Variants in PPP1R3A observed in about 807,000 individuals in gnomAD.
PPP1R3A encodes RG1.
In PPP1R3A, 29 loss-of-function variants were observed where a neutral mutation model predicts 41.7. The ratio of observed to expected loss-of-function variants is 0.70; its 90% CI spans 0.52 to 0.95. The LOEUF (loss-of-function observed/expected upper bound fraction) is 0.95. PPP1R3A is among the 40% of genes least tolerant of loss of function. The probability of loss-of-function intolerance (pLI) is 0.00; values close to 1 mark genes in which losing one functional copy is unlikely to be tolerated. For synonymous variants in PPP1R3A, 485 were observed against 453.4 expected (o/e 1.07, Z -0.89); for missense variants, 1,352 against 1,292.4 (o/e 1.05, Z -0.71).
intron 3 of PPP1R3A, among the ~76,000 whole-genome samples, chr7:113,881,371 T>C (rs1386020497): frequency 6.6e-6 from 1 of 152,168 alleles, no homozygotes; most frequent in Admixed American, 6.6e-5. Context: ...AATTGCATTA[T>C]GTGACTCATT....
chr7:113,882,558 G>T (rs930597075), intron 1 of PPP1R3A, among the ~76,000 whole-genome samples: 1 of 151,822 alleles, frequency 6.6e-6, no homozygotes, highest in Non-Finnish European at 1.5e-5. Flanking sequence ...TTTCTAAACA[G>T]AAACACACTC....
intron 1 of PPP1R3A, among the ~76,000 whole-genome samples, chr7:113,888,044 G>T: frequency 6.6e-6 from 1 of 150,746 alleles, no homozygotes; most frequent in Non-Finnish European, 1.5e-5. Flanking sequence ...AAAAAAAAAA[G>T]CACAAAAGAA....
chr7:113,886,995 G>A (rs1796795179), intron 1 of PPP1R3A, among the ~76,000 whole-genome samples: 1 of 152,120 alleles, frequency 6.6e-6, no homozygotes, highest in Admixed American at 6.5e-5. Flanking sequence ...AGTGGCATAA[G>A]AAATGCTGTT....
Position 113,878,389 on chromosome 7 carries a change from A to G in PPP1R3A, c.2703T>C (p.Ala901=). The G allele has an allele frequency of 6.2e-7, 1 of 1,611,974 alleles. No homozygotes were observed. Among genetic ancestry groups the G allele is most frequent in the Non-Finnish European group, 8.5e-7 (1 of 1,179,666 alleles). The change falls in exon 4 of 4, where the codon GCT becomes GCC. Residue 901 remains alanine, a synonymous_variant. Transcript: ENST00000284601. Reference sequence around the variant, plus strand: ...GAGCTCTATTAGTGTCTGAGTTAAAAGCAGAATGCACAATGGCATCCGAGT... The same window carrying G: ...GAGCTCTATTAGTGTCTGAGTTAAAGGCAGAATGCACAATGGCATCCGAGT... The part of the protein sequence containing the change: ...KTDSDAIVHS[A]FNSDTNRAPQ...
chr7:113,909,695 G>A (rs1040318277), intron 1 of PPP1R3A, among the ~76,000 whole-genome samples: 1 of 152,046 alleles, frequency 6.6e-6, no homozygotes, highest in Admixed American at 6.6e-5. Context: ...AGTTATTGAG[G>A]TTATTTGACA....
At position 113,878,908 on chromosome 7, in the gene PPP1R3A, A is replaced by G. The variant is rs1301263037; in HGVS notation, c.2184T>C (p.Gly728=). 5 of 1,612,880 alleles carry G rather than the reference A, an allele frequency of 3.1e-6. No homozygotes were observed. The highest frequency in any genetic ancestry group is 4.2e-6 in the Non-Finnish European group (5 of 1,179,770). ...DHGITEKAEA[G]TAYIIKTTSE... ...ATGTTGTCTTAATTATATAGGCTGT[A>G]CCAGCTTCTGCTTTCTCAGTAATGC... is the stretch of plus-strand genomic sequence containing the variant. The change falls in exon 4 of 4, where the codon GGT becomes GGC. Residue 728 remains glycine (G), a synonymous_variant. Transcript: ENST00000284601.
chr7:113,891,398 A>C (rs890105049), intron 1 of PPP1R3A, among the ~76,000 whole-genome samples: 34 of 152,158 alleles, frequency 2.2e-4, no homozygotes, highest in African/African-American at 7.9e-4. Context: ...ACTCTGAGTT[A>C]TCTATATTTT....
In PPP1R3A at chr7:113,879,727, G is replaced by C; in HGVS notation, c.1365C>G (p.Cys455Trp). Residue 455 changes from cysteine to tryptophan, a missense_variant, in exon 4 of 4, where the codon TGC becomes TGG. By Grantham distance (215) the Cys-to-Trp change is radical. Coordinates refer to ENST00000284601, the MANE Select transcript of PPP1R3A (RefSeq NM_002711.4). ...CTGCCATTAGTTGATCTGAAGAGGG[G>C]CAAGGTATTTGCACTGTGCCATTGC... ...AHGNGTVQIP[C>W]PSSDQLMAGN... is the part of the protein sequence containing the mutation. 6.2e-7 allele frequency: 1 copy of C among 1,613,226 alleles called. No individual in the cohort carries two copies. Among genetic ancestry groups the C allele is most frequent in the South Asian group, 1.1e-5 (1 of 91,070 alleles).
At chr7:113,890,683 A>C (rs377362153) in intron 1 of PPP1R3A, among the ~76,000 whole-genome samples, 2 of 152,208 alleles carry the variant, frequency 1.3e-5, no homozygotes, top group African/African-American at 4.8e-5. Context: ...ATCATCTGTG[A>C]CTTACAGAAT....
chr7:113,915,334 A>G (rs544248885), intron 1 of PPP1R3A, among the ~76,000 whole-genome samples: 1 of 152,102 alleles, frequency 6.6e-6, no homozygotes, highest in African/African-American at 2.4e-5. Flanking sequence ...TTCATTCCAT[A>G]CTTATTAGAA....
chr7:113,910,264 A>C (rs1021888019), intron 1 of PPP1R3A, among the ~76,000 whole-genome samples: 8 of 152,072 alleles, frequency 5.3e-5, no homozygotes, highest in Admixed American at 3.3e-4. Flanking sequence ...AAGATGATTA[A>C]GAAGAAAATA....
At chr7:113,918,185 A>C in intron 1 of PPP1R3A, 30 bp downstream of exon 1, 2 of 1,548,310 alleles carry the variant, frequency 1.3e-6, no homozygotes, top group Non-Finnish European at 1.7e-6. Context: ...TAAGATTGTG[A>C]ATAATAAAAT....
At chr7:113,894,752 A>G (rs970732727) in intron 1 of PPP1R3A, among the ~76,000 whole-genome samples, 1 of 151,936 alleles carries the variant, frequency 6.6e-6, no homozygotes, top group Non-Finnish European at 1.5e-5. Flanking sequence ...ATTTCAACAA[A>G]ACCTGTTTCC....
chr7:113,882,034 C>G lies in PPP1R3A; in HGVS notation c.966+5G>C. 6.2e-7 allele frequency: 1 copy of G among 1,612,246 alleles called. No individual in the cohort carries two copies. Among genetic ancestry groups the G allele is most frequent in the East Asian group, 2.2e-5 (1 of 44,760 alleles). The stretch of plus-strand genomic sequence containing the variant: ...CTCTAATACCGTGGCAACCAGAACA[C>G]TTACCATCAACTCTAATTCTTTTTC... On this transcript the variant is annotated splice_donor_5th_base_variant and intron_variant, in intron 3 of 3. Coordinates refer to ENST00000284601, the MANE Select transcript of PPP1R3A (RefSeq NM_002711.4).
At chr7:113,914,526 C>A (rs952483310) in intron 1 of PPP1R3A, among the ~76,000 whole-genome samples, 2 of 152,060 alleles carry the variant, frequency 1.3e-5, no homozygotes, top group East Asian at 3.9e-4. Flanking sequence ...TGATTAAAAT[C>A]TTGCAAGAGA....
At position 113,918,825 on chromosome 7, in the gene PPP1R3A, A is replaced by T. The variant is rs770126133; in HGVS notation, c.172T>A (p.Ser58Thr). The change falls in exon 1 of 4, where the codon TCT (serine) becomes ACT (threonine). Residue 58 changes from serine (S) to threonine (T), a missense_variant. By Grantham distance (58) the Ser-to-Thr change is moderately conservative. Transcript: ENST00000284601. ...AATGAAACTCTTCTAGTACCTGAAG[A>T]TGGGGTATCCAGGTATATGTCTTCA... ...SSEDIYLDTP[S>T]SGTRRVSFAD... 4.3e-6 allele frequency: 7 copies of T among 1,613,796 alleles called. No individual in the cohort carries two copies. The highest frequency in any genetic ancestry group is 5.9e-6 in the Non-Finnish European group (7 of 1,179,822).
intron 3 of PPP1R3A, 46 bp from the exon 4 acceptor site, chr7:113,880,171 T>A (rs763274914): frequency 3.5e-5 from 52 of 1,486,666 alleles, no homozygotes; most frequent in Non-Finnish European, 4.7e-5. Context: ...TAAGATCTTT[T>A]AAAATATATA....
At position 113,877,343 on chromosome 7, in the gene PPP1R3A, G is replaced by A. The variant is rs1430462270; in HGVS notation, c.*380C>T. On this transcript the variant is annotated 3_prime_UTR_variant, in exon 4 of 4. Transcript: ENST00000284601. ...GTTTTATCTGTTTTTTAAAACCGTAGGGGAAAATATATACTCTCAAGGGGA... is the reference window on the plus strand; with the variant it reads ...GTTTTATCTGTTTTTTAAAACCGTAAGGGAAAATATATACTCTCAAGGGGA... The A allele has an allele frequency of 1.3e-5, 2 of 159,960 alleles. No individual in the cohort carries two copies. The highest frequency in any genetic ancestry group is 4.8e-5 in the African/African-American group (2 of 41,688). 9.9% of individuals were successfully genotyped at this position (159,960 alleles called of 1,614,324 possible). A position where few individuals can be genotyped will look rare whatever the true frequency, so the allele number is the denominator to read the frequency against.
intron 1 of PPP1R3A, among the ~76,000 whole-genome samples, chr7:113,895,719 C>G (rs1469804634): frequency 4.6e-5 from 7 of 151,864 alleles, no homozygotes; most frequent in Admixed American, 1.3e-4. Context: ...TCAGGGAAAA[C>G]AGAAATACAG....
Sources: allele counts gnomAD v4.1 joint callset (sites outside exome capture counted in the v4.1 genomes callset), GRCh38; gene constraint gnomAD v4.1.1; transcripts MANE v1.5; gene names NCBI Gene and HGNC (gene_info 2026-07-23, HGNC 2026-07-21).